The following RNF182 variants were observed in gnomAD, a reference collection of about 807,000 sequenced individuals.
RNF182 encodes the protein ring finger protein 182, also known as E3 ubiquitin-protein ligase RNF182.
RNF182 carries 15 observed loss-of-function variants against 14.4 expected under a neutral mutation model. The ratio of observed to expected loss-of-function variants is 1.04; its 90% CI spans 0.70 to 1.60. The LOEUF is 1.60. Ranked by LOEUF, RNF182 falls within the 40% of genes most tolerant of loss-of-function variation. The pLI is 0.00. For synonymous variants in RNF182, 128 were observed against 122.9 expected (o/e 1.04, Z -0.27); for missense variants, 268 against 294.8 (o/e 0.91, Z 0.67).
At chr6:13,970,828 C>T (rs546399342) in intron 1 of RNF182, among the ~76,000 whole-genome samples, 7 of 152,200 alleles carry the variant, frequency 4.6e-5, no homozygotes, top group East Asian at 3.9e-4. Context: ...ATCCAAAATA[C>T]GCGTTGGCAG....
At chr6:13,961,932 T>C (rs1759894312) in intron 1 of RNF182, among the ~76,000 whole-genome samples, 1 of 152,188 alleles carries the variant, frequency 6.6e-6, no homozygotes, top group African/African-American at 2.4e-5. Flanking sequence ...TTGTTGAGCC[T>C]ATTCTTTTTA....
intron 1 of RNF182, among the ~76,000 whole-genome samples, chr6:13,946,620 A>T (rs1335822588): frequency 1.3e-5 from 2 of 152,170 alleles, no homozygotes; most frequent in African/African-American, 4.8e-5. Flanking sequence ...TCCTATGACT[A>T]AAAATGTCTA....
Position 13,977,720 on chromosome 6 carries a change from A to G in RNF182, c.601A>G (p.Ile201Val). The G allele has an allele frequency of 1.9e-6, 3 of 1,614,142 alleles. No individual in the cohort carries two copies. Among genetic ancestry groups the G allele is most frequent in the Non-Finnish European group, 2.5e-6 (3 of 1,180,022 alleles). Residue 201 changes from isoleucine (I) to valine (V), a missense_variant, in exon 3 of 3, where the codon ATC (isoleucine) becomes GTC (valine). Ile to Val is a conservative substitution (Grantham distance 29). Coordinates refer to ENST00000488300, the MANE Select transcript of RNF182 (RefSeq NM_152737.4). ...CTACTTCAGCTCCTTACCCTTAGGAATCTACTTACTGGTGTCTAAGAAAGT... is the reference window on the plus strand; with the variant it reads ...CTACTTCAGCTCCTTACCCTTAGGAGTCTACTTACTGGTGTCTAAGAAAGT... ...LLYFSSLPLG[I>V]YLLVSKKVTL...
intron 1 of RNF182, among the ~76,000 whole-genome samples, chr6:13,959,911 A>G (rs9476066): frequency 6.6e-6 from 1 of 152,206 alleles, no homozygotes; most frequent in African/African-American, 2.4e-5. Flanking sequence ...TCATCATGTC[A>G]TGATATTCAA....
intron 1 of RNF182, among the ~76,000 whole-genome samples, chr6:13,959,171 T>C (rs1759802281): frequency 6.6e-6 from 1 of 152,194 alleles, no homozygotes; most frequent in African/African-American, 2.4e-5. Flanking sequence ...GGTATTCCTT[T>C]ATAGCAACAC....
rs1554128239 is a variant in RNF182 at position 13,980,201 on chromosome 6, T to TTTTATTTTA, written c.*2341_*2342insATTTTATTT. ...ACACTTTTAAAAGGCCTTCATAGTT[T>TTTTATTTTA]TTTTATTTTATTTTATTTTATTTTA... is the stretch of plus-strand genomic sequence containing the variant. On this transcript the variant is annotated 3_prime_UTR_variant, in exon 3 of 3. Coordinates refer to ENST00000488300, the MANE Select transcript of RNF182 (RefSeq NM_152737.4). 3.5e-5 allele frequency: 5 copies of TTTTATTTTA among 142,138 alleles called. No homozygotes were observed. Among genetic ancestry groups the TTTTATTTTA allele is most frequent in the African/African-American group, 5.1e-5 (2 of 39,388 alleles). The allele number at this position is 142,138 out of a possible 1,614,324, so 8.8% of individuals were successfully genotyped here.
At chr6:13,952,622 G>A (rs9475975) in intron 1 of RNF182, among the ~76,000 whole-genome samples, 33,448 of 151,832 alleles carry the variant, frequency 0.22, 4,346 homozygotes, top group East Asian at 0.46. Context: ...GGGTCTCTCC[G>A]GTATCATCCC....
At chr6:13,926,301 G>A (rs1158178691) in intron 1 of RNF182, among the ~76,000 whole-genome samples, 1 of 152,130 alleles carries the variant, frequency 6.6e-6, no homozygotes, top group Middle Eastern at 3.2e-3. Flanking sequence ...AAGTTGATTG[G>A]AATTCTGCAT....
chr6:13,980,204 T>TTATTTTATTG lies in RNF182; in HGVS notation c.*2350_*2351insGTATTTTATT, dbSNP rs1760459785. ...CTTTTAAAAGGCCTTCATAGTTTTT[T>TTATTTTATTG]TATTTTATTTTATTTTATTTTATTT... On this transcript the variant is annotated 3_prime_UTR_variant, in exon 3 of 3. Transcript: ENST00000488300. 1 of 133,708 alleles carries TTATTTTATTG rather than the reference T, an allele frequency of 7.5e-6. No individual in the cohort carries two copies. 8.3% of individuals were successfully genotyped at this position (133,708 alleles called of 1,614,324 possible).
chr6:13,977,310 G>A lies in RNF182; in HGVS notation c.191G>A (p.Cys64Tyr). 2 of 1,614,204 alleles carry A rather than the reference G, an allele frequency of 1.2e-6. No homozygotes were observed. Among genetic ancestry groups the A allele is most frequent in the Non-Finnish European group, 1.7e-6 (2 of 1,180,040 alleles). The change falls in exon 3 of 3, where the codon TGT becomes TAT. Residue 64 changes from cysteine to tyrosine, a missense_variant. Cys to Tyr is a radical substitution (Grantham distance 194). Coordinates refer to ENST00000488300, the MANE Select transcript of RNF182 (RefSeq NM_152737.4). ...GACTCCCCACAAGGTGTCATTGTCT[G>A]TCCTTTCTGCAGGTTTGAGACGTGC... is the stretch of plus-strand genomic sequence containing the variant. The part of the protein sequence containing the change: ...FGDSPQGVIV[C>Y]PFCRFETCLP...
intron 1 of RNF182, chr6:13,949,188 G>A: frequency 1.2e-6 from 1 of 804,444 alleles, no homozygotes; most frequent in East Asian, 2.4e-5. Context: ...CCAAAACTGT[G>A]TGTCAAGAAT....
intron 1 of RNF182, among the ~76,000 whole-genome samples, chr6:13,932,454 G>T (rs1163983348): frequency 6.6e-6 from 1 of 152,052 alleles, no homozygotes; most frequent in Admixed American, 6.6e-5. Context: ...TCTCATTTAT[G>T]AACTTAGTTA....
chr6:13,944,843 A>G (rs569117501), intron 1 of RNF182, among the ~76,000 whole-genome samples: 16 of 152,302 alleles, frequency 1.1e-4, no homozygotes, highest in African/African-American at 2.9e-4. Context: ...GATGTTTTTG[A>G]CTTCAAATGA....
Position 13,978,547 on chromosome 6 carries a change from C to CT in RNF182, c.*687dup, listed in dbSNP as rs1760404716. On this transcript the variant is annotated 3_prime_UTR_variant, in exon 3 of 3. Coordinates refer to ENST00000488300, the MANE Select transcript of RNF182 (RefSeq NM_152737.4). ...TGGCCATTTGTCCTTGAGACACACT[C>CT]TTTCCTCCATGTCTGTTTTCCTCTC... 6.1e-6 allele frequency: 1 copy of CT among 163,410 alleles called. No individual in the cohort carries two copies. Among genetic ancestry groups the CT allele is most frequent in the African/African-American group, 2.4e-5 (1 of 41,088 alleles). 10.1% of individuals were successfully genotyped at this position (163,410 alleles called of 1,614,324 possible). A position where few individuals can be genotyped will look rare whatever the true frequency, so the allele number is the denominator to read the frequency against.
intron 1 of RNF182, among the ~76,000 whole-genome samples, chr6:13,936,479 T>C (rs926289492): frequency 1.3e-5 from 2 of 152,226 alleles, no homozygotes; most frequent in African/African-American, 4.8e-5. Flanking sequence ...TCTATAAATA[T>C]AAATTTTTCT....
At chr6:13,957,766 A>G (rs966444470) in intron 1 of RNF182, among the ~76,000 whole-genome samples, 8 of 152,210 alleles carry the variant, frequency 5.3e-5, no homozygotes, top group Non-Finnish European at 8.8e-5. Context: ...TTGTAGTGAT[A>G]ACTATTTTGC....
In RNF182 at chr6:13,977,203, T is replaced by C; in HGVS notation, c.84T>C (p.Asn28=). The C allele has an allele frequency of 6.2e-7, 1 of 1,614,116 alleles. No homozygotes were observed. The highest frequency in any genetic ancestry group is 8.5e-7 in the Non-Finnish European group (1 of 1,179,994). The change falls in exon 3 of 3, where the codon AAT becomes AAC. Residue 28 remains asparagine, a synonymous_variant. Transcript: ENST00000488300. Reference sequence around the variant, plus strand: ...GCAAAATCTGTTACAATCGATACAATCTGAAACAGAGGAAACCCAAAGTGC... The same window carrying C: ...GCAAAATCTGTTACAATCGATACAACCTGAAACAGAGGAAACCCAAAGTGC... ...LECKICYNRY[N]LKQRKPKVLE...
At position 13,978,020 on chromosome 6, in the gene RNF182, C is replaced by A; in HGVS notation, c.*157C>A. The A allele has an allele frequency of 1.2e-6, 1 of 843,280 alleles. No individual in the cohort carries two copies. Among genetic ancestry groups the A allele is most frequent in the Non-Finnish European group, 1.8e-6 (1 of 553,788 alleles). The allele number at this position is 843,280 out of a possible 1,614,324, so 52.2% of individuals were successfully genotyped here. ...TTGACTTGATTGGTTTTCCTGTAGGCTGGAAGTAAAAATGTTCATTTCTAC... is the reference window on the plus strand; with the variant it reads ...TTGACTTGATTGGTTTTCCTGTAGGATGGAAGTAAAAATGTTCATTTCTAC... On this transcript the variant is annotated 3_prime_UTR_variant, in exon 3 of 3. Transcript: ENST00000488300.
In RNF182 at chr6:13,979,597, T is replaced by C. The variant is rs1222063523; in HGVS notation, c.*1734T>C. 1 of 166,870 alleles carries C rather than the reference T, an allele frequency of 6.0e-6. No individual in the cohort carries two copies. Among genetic ancestry groups the C allele is most frequent in the Non-Finnish European group, 1.5e-5 (1 of 68,124 alleles). 10.3% of individuals were successfully genotyped at this position (166,870 alleles called of 1,614,324 possible). A position where few individuals can be genotyped will look rare whatever the true frequency, so the allele number is the denominator to read the frequency against. Reference sequence around the variant, plus strand: ...ATGATTTCATAAAATCTAGTTTAGATAGCATTGTGATGCAATTTCCAGAAA... The same window carrying C: ...ATGATTTCATAAAATCTAGTTTAGACAGCATTGTGATGCAATTTCCAGAAA... On this transcript the variant is annotated 3_prime_UTR_variant, in exon 3 of 3. Coordinates refer to ENST00000488300, the MANE Select transcript of RNF182 (RefSeq NM_152737.4).
Sources: allele counts gnomAD v4.1 joint callset (sites outside exome capture counted in the v4.1 genomes callset), GRCh38; gene constraint gnomAD v4.1.1; transcripts MANE v1.5; gene names NCBI Gene and HGNC (gene_info 2026-07-23, HGNC 2026-07-21).